PUDP: variants seen among roughly 807,000 people sequenced by gnomAD.
PUDP encodes the protein pseudouridine 5'-phosphatase.
PUDP carries 8 observed loss-of-function variants against 9.4 expected under a neutral mutation model. The ratio of observed to expected loss-of-function variants is 0.85; its 90% CI spans 0.50 to 1.53. PUDP has a LOEUF of 1.53. Ranked by LOEUF, PUDP falls within the 40% of genes most tolerant of loss-of-function variation. PUDP has a pLI of 0.00. For synonymous variants in PUDP, 99 were observed against 80.7 expected (o/e 1.23, Z -1.22); for missense variants, 188 against 189.7 (o/e 0.99, Z 0.05).
intron 3 of PUDP, among the ~76,000 whole-genome samples, chrX:6,939,578 C>G (rs1169567943): frequency 9.1e-6 from 1 of 109,848 alleles, no homozygotes; most frequent in Admixed American, 9.9e-5. Context: ...CTCAAGAATT[C>G]TGAGGCCAGG....
intron 3 of PUDP, among the ~76,000 whole-genome samples, chrX:6,925,594 C>T (rs758438776): frequency 8.9e-6 from 1 of 112,146 alleles, no homozygotes; most frequent in East Asian, 2.8e-4. Flanking sequence ...CACAAACCCA[C>T]GAAGCCTTCA....
intron 3 of PUDP, among the ~76,000 whole-genome samples, chrX:6,759,299 AT>A (rs1292082476): frequency 3.6e-5 from 4 of 111,259 alleles, no homozygotes; most frequent in African/African-American, 1.3e-4. Flanking sequence ...TTTATTTTTC[AT>A]TTGTTTTCTT....
chrX:6,792,852 A>G (rs757345178), intron 3 of PUDP, among the ~76,000 whole-genome samples: 1 of 112,643 alleles, frequency 8.9e-6, no homozygotes, highest in African/African-American at 3.2e-5. Context: ...ATGGGTGAAA[A>G]GTCTTTTCTC....
intron 3 of PUDP, among the ~76,000 whole-genome samples, chrX:6,907,737 A>T (rs1927789504): frequency 8.9e-6 from 1 of 111,974 alleles, no homozygotes; most frequent in African/African-American, 3.2e-5. Flanking sequence ...TAGACCTGGC[A>T]CATTGAGCTG....
intron 1 of PUDP, among the ~76,000 whole-genome samples, chrX:6,995,148 T>A (rs920323154): frequency 1.8e-5 from 2 of 110,791 alleles, no homozygotes; most frequent in African/African-American, 6.6e-5. Context: ...AAGTCATTTA[T>A]TTACATGTGG....
chrX:6,832,474 A>C (rs1003507471), intron 3 of PUDP, among the ~76,000 whole-genome samples: 1 of 112,145 alleles, frequency 8.9e-6, no homozygotes, highest in African/African-American at 3.2e-5. Flanking sequence ...AAAAACAAAA[A>C]GTTGGCCACT....
chrX:6,881,710 G>A (rs899211664), intron 3 of PUDP, among the ~76,000 whole-genome samples: 16 of 111,072 alleles, frequency 1.4e-4, no homozygotes, highest in African/African-American at 5.2e-4. Context: ...CTGGGTTTAA[G>A]TATATTAATC....
intron 3 of PUDP, among the ~76,000 whole-genome samples, chrX:6,802,948 AAATAAAATAAAATAAAATAAAATAAAAAT>A (rs1569102145): frequency 2.7e-3 from 22 of 8,066 alleles, no homozygotes; most frequent in African/African-American, 0.017. Context: ...AAATAAAATA[AAATAAAATAAAATAAAATAAAATAAAAAT>A]ATAAAATAAA....
At chrX:6,963,622 TAAAC>T (rs1445540648) in intron 3 of PUDP, among the ~76,000 whole-genome samples, 3 of 111,899 alleles carry the variant, frequency 2.7e-5, no homozygotes, top group Non-Finnish European at 5.6e-5. Context: ...GTTTTTCACA[TAAAC>T]AAATATGCAG....
chrX:6,870,079 TA>T (rs1438434308), intron 3 of PUDP, among the ~76,000 whole-genome samples: 18 of 103,422 alleles, frequency 1.7e-4, no homozygotes, highest in Admixed American at 2.1e-4. Context: ...TGTTCAGGCT[TA>T]AAAAAAAAAA....
intron 3 of PUDP, among the ~76,000 whole-genome samples, chrX:7,056,398 G>A: frequency 8.9e-6 from 1 of 111,924 alleles, no homozygotes. Flanking sequence ...GCAGGCCTGC[G>A]GCCTACCCTG....
chrX:6,815,572 T>A (rs781326593), intron 3 of PUDP, among the ~76,000 whole-genome samples: 2 of 111,269 alleles, frequency 1.8e-5, no homozygotes, highest in Non-Finnish European at 3.8e-5. Flanking sequence ...CAAATCAGAA[T>A]CTCTGAGGGT....
At chrX:6,843,334 G>T (rs1204543113) in intron 3 of PUDP, among the ~76,000 whole-genome samples, 1 of 111,611 alleles carries the variant, frequency 9.0e-6, no homozygotes, top group African/African-American at 3.3e-5. Flanking sequence ...ACCACTTTGG[G>T]CTCCAGTCAC....
chrX:6,994,638 G>A (rs955609069), intron 1 of PUDP, among the ~76,000 whole-genome samples: 4 of 111,615 alleles, frequency 3.6e-5, no homozygotes, highest in African/African-American at 1.3e-4. Flanking sequence ...ATGCAGAAAA[G>A]AATGAGGGAA....
At chrX:6,831,703 T>C (rs1926506074) in intron 3 of PUDP, among the ~76,000 whole-genome samples, 2 of 112,328 alleles carry the variant, frequency 1.8e-5, no homozygotes, top group African/African-American at 6.5e-5. Context: ...AATCAATATG[T>C]ATTGAACAGT....
chrX:6,916,235 CACACACACACACA>C lies in PUDP; in HGVS notation c.*247+60885_*247+60897del, dbSNP rs1569122775. On this transcript the variant is annotated intron_variant and NMD_transcript_variant, in intron 3 of 3. Coordinates refer to the PUDP transcript ENST00000655425. ...ACACACACACACACACACACACACACACACACACACACACCCTGGGGAACTGGTAAATTTGGGG... is the reference window on the plus strand; with the variant it reads ...ACACACACACACACACACACACACACCCCTGGGGAACTGGTAAATTTGGGG... 6.7e-3 allele frequency among the ~76,000 whole-genome samples: 576 copies of C among 85,892 alleles called. 2 individuals carry two copies. The highest frequency in any genetic ancestry group is 0.024 in the African/African-American group (530 of 22,030). 74.6% of individuals were successfully genotyped at this position (85,892 alleles called of 115,157 possible).
At chrX:7,006,605 C>T (rs1184263199) in intron 1 of PUDP, among the ~76,000 whole-genome samples, 1 of 110,666 alleles carries the variant, frequency 9.0e-6, no homozygotes, top group Non-Finnish European at 1.9e-5. Context: ...TTCACTAATG[C>T]TGGGCCATTG....
In PUDP at chrX:6,874,558, A is replaced by C. The variant is rs1346565462; in HGVS notation, c.*247+102575T>G. Reference sequence around the variant, plus strand: ...GTAGCATTCAGCTGCCCAGGAGAAAACTCAAACTGGGAAACTATAGGCTGT... The same window carrying C: ...GTAGCATTCAGCTGCCCAGGAGAAACCTCAAACTGGGAAACTATAGGCTGT... On this transcript the variant is annotated intron_variant and NMD_transcript_variant, in intron 3 of 3. Transcript: ENST00000655425. Among the ~76,000 whole-genome samples the C allele has an allele frequency of 7.2e-5, 8 of 111,515 alleles. 1 individual carries two copies. Among genetic ancestry groups the C allele is most frequent in the Non-Finnish European group, 1.5e-4 (8 of 53,041 alleles).
intron 3 of PUDP, among the ~76,000 whole-genome samples, chrX:6,747,683 C>T (rs900778470): frequency 1.8e-5 from 2 of 112,354 alleles, no homozygotes; most frequent in Non-Finnish European, 3.8e-5. Flanking sequence ...GTCTCTGACT[C>T]ATTATTAAAA....
Sources: gnomAD v4.1 joint callset for allele counts (sites outside exome capture counted in the v4.1 genomes callset) on GRCh38, gnomAD v4.1.1 for gene constraint, MANE v1.5 for transcripts, NCBI Gene and HGNC (gene_info 2026-07-23, HGNC 2026-07-21) for gene names.